The following PLEKHH2 variants were observed in gnomAD, a reference collection of about 807,000 sequenced individuals.
PLEKHH2 encodes the protein pleckstrin homology, MyTH4 and FERM domain containing H2.
In PLEKHH2, 129 loss-of-function variants were observed where a neutral mutation model predicts 187.9. The ratio of observed to expected loss-of-function variants is 0.69; its 90% confidence interval spans 0.59 to 0.79. The LOEUF is 0.79. Among genes scored for constraint, PLEKHH2 ranks in the 30% least tolerant of loss-of-function variants. The pLI, the probability that PLEKHH2 is intolerant of heterozygous loss-of-function variation, is 0.00. For synonymous variants in PLEKHH2, 686 were observed against 605.6 expected (o/e 1.13, Z -1.95); for missense variants, 2,076 against 1,751.2 (o/e 1.19, Z -3.31).
intron 2 of PLEKHH2, among the ~76,000 whole-genome samples, chr2:43,668,139 T>A (rs1667312792): frequency 6.6e-6 from 1 of 152,094 alleles, no homozygotes; most frequent in Non-Finnish European, 1.5e-5. Context: ...TTCAAGTGAT[T>A]CTCCTGCCTC....
chr2:43,741,140 A>G, intron 21 of PLEKHH2, 97 bp downstream of exon 21: 1 of 1,093,194 alleles, frequency 9.1e-7, no homozygotes, highest in South Asian at 2.0e-5. Flanking sequence ...CATTTTCAGA[A>G]GAATGTATGA....
intron 24 of PLEKHH2, among the ~76,000 whole-genome samples, chr2:43,749,816 C>G (rs1367110197): frequency 6.6e-6 from 1 of 152,170 alleles, no homozygotes; most frequent in Non-Finnish European, 1.5e-5. Context: ...GGACCTGATT[C>G]TTCATCTGCC....
At position 43,764,310 on chromosome 2, in the gene PLEKHH2, C is replaced by T. The variant is rs1447811469; in HGVS notation, c.4241C>T (p.Thr1414Ile). 6.2e-7 allele frequency: 1 copy of T among 1,609,706 alleles called. No individual in the cohort carries two copies. The highest frequency in any genetic ancestry group is 8.5e-7 in the Non-Finnish European group (1 of 1,177,290). The change falls in exon 29 of 30, where the codon ACA (threonine) becomes ATA (isoleucine). Residue 1414 changes from threonine to isoleucine, a missense_variant. Physicochemically the swap from Thr to Ile is moderately conservative, Grantham distance 89. Coordinates refer to ENST00000282406, the MANE Select transcript of PLEKHH2 (RefSeq NM_172069.4). Reference protein sequence around the residue: ...QDDFMVVINNTHSKDKPTEKL... With the variant: ...QDDFMVVINNIHSKDKPTEKL... Reference sequence around the variant, plus strand: ...GATTTTATGGTAGTCATTAACAATACACATTCAAAGGACAAACCAACAGAG... The same window carrying T: ...GATTTTATGGTAGTCATTAACAATATACATTCAAAGGACAAACCAACAGAG...
At chr2:43,741,218 A>G (rs767023801) in intron 21 of PLEKHH2, 175 bp downstream of exon 21, 16 of 483,194 alleles carry the variant, frequency 3.3e-5, no homozygotes, top group African/African-American at 6.0e-5. Flanking sequence ...TTCCTTTGTT[A>G]TGTTAAATCT....
chr2:43,748,212 T>G (rs1219084046), intron 24 of PLEKHH2, among the ~76,000 whole-genome samples: 1 of 152,198 alleles, frequency 6.6e-6, no homozygotes, highest in Non-Finnish European at 1.5e-5. Flanking sequence ...CTGTGATGAT[T>G]TGCCAGAGGT....
At position 43,697,158 on chromosome 2, in the gene PLEKHH2, A is replaced by T; in HGVS notation, c.503-13A>T. 1 of 1,540,252 alleles carries T rather than the reference A, an allele frequency of 6.5e-7. No individual in the cohort carries two copies. On this transcript the variant is annotated splice_polypyrimidine_tract_variant and intron_variant, in intron 6 of 29. Coordinates refer to ENST00000282406, the MANE Select transcript of PLEKHH2 (RefSeq NM_172069.4). ...AAAAATTCAAATCTTAATTTTGATT[A>T]ACGATGTTGTAGAAGTTCAAGGAAA...
chr2:43,744,957 A>G (rs1330963624), intron 23 of PLEKHH2, among the ~76,000 whole-genome samples: 1 of 152,142 alleles, frequency 6.6e-6, no homozygotes, highest in Non-Finnish European at 1.5e-5. Context: ...ATTTTAAAAG[A>G]ATCTTTTCCA....
chr2:43,695,045 A>G, intron 5 of PLEKHH2, 98 bp from the exon 6 acceptor site: 1 of 594,802 alleles, frequency 1.7e-6, no homozygotes, highest in Non-Finnish European at 2.6e-6. Flanking sequence ...TTACACATGT[A>G]GAGAAACTAA....
Position 43,767,976 on chromosome 2 carries a change from T to A in PLEKHH2, c.*2378T>A, listed in dbSNP as rs1004262534. On this transcript the variant is annotated 3_prime_UTR_variant, in exon 30 of 30. Coordinates refer to ENST00000282406, the MANE Select transcript of PLEKHH2 (RefSeq NM_172069.4). Reference sequence around the variant, plus strand: ...TTCCCTTTCAGTCATAATAAATGATTTACAAAACCCATTTTGAGCATTATC... The same window carrying A: ...TTCCCTTTCAGTCATAATAAATGATATACAAAACCCATTTTGAGCATTATC... The A allele has an allele frequency of 5.9e-5, 9 of 152,752 alleles. 1 individual carries two copies. Among genetic ancestry groups the A allele is most frequent in the Admixed American group, 5.9e-4 (9 of 15,286 alleles). The allele number at this position is 152,752 out of a possible 1,614,324, so 9.5% of individuals were successfully genotyped here. A position where few individuals can be genotyped will look rare whatever the true frequency, so the allele number is the denominator to read the frequency against.
chr2:43,683,840 C>T (rs979389691), intron 3 of PLEKHH2, among the ~76,000 whole-genome samples: 1 of 151,440 alleles, frequency 6.6e-6, no homozygotes, highest in Non-Finnish European at 1.5e-5. Context: ...TCAATGATTT[C>T]ATCAGGGAGG....
At chr2:43,706,490 C>G in intron 10 of PLEKHH2, 74 bp downstream of exon 10, 1 of 1,087,306 alleles carries the variant, frequency 9.2e-7, no homozygotes, top group Non-Finnish European at 1.4e-6. Context: ...AATTCAAGCT[C>G]CAGATTCCAT....
intron 2 of PLEKHH2, among the ~76,000 whole-genome samples, chr2:43,646,986 T>A: frequency 6.6e-6 from 1 of 152,048 alleles, no homozygotes; most frequent in Non-Finnish European, 1.5e-5. Context: ...GAATAAGGAT[T>A]TTCACAATAT....
intron 16 of PLEKHH2, among the ~76,000 whole-genome samples, chr2:43,724,568 G>GT (rs1189992275): frequency 1.3e-5 from 2 of 152,158 alleles, no homozygotes; most frequent in Non-Finnish European, 2.9e-5. Flanking sequence ...GCTTTAGGAA[G>GT]TTTTTCTTAC....
intron 15 of PLEKHH2, among the ~76,000 whole-genome samples, chr2:43,715,134 G>T (rs960119393): frequency 3.0e-4 from 45 of 152,052 alleles, no homozygotes; most frequent in African/African-American, 1.1e-3. Flanking sequence ...AAATTAACCA[G>T]GCATGCTGGC....
chr2:43,651,253 G>C (rs1162524854), intron 2 of PLEKHH2, among the ~76,000 whole-genome samples: 1 of 151,596 alleles, frequency 6.6e-6, no homozygotes, highest in African/African-American at 2.4e-5. Context: ...ATTTTTAGTA[G>C]AGATAGGGTT....
At chr2:43,731,764 G>A (rs185130137) in intron 19 of PLEKHH2, among the ~76,000 whole-genome samples, 162 bp downstream of exon 19, 2 of 152,202 alleles carry the variant, frequency 1.3e-5, no homozygotes, top group Admixed American at 1.3e-4. Flanking sequence ...AAAATTAGGT[G>A]AATTTCATAT....
At position 43,681,193 on chromosome 2, in the gene PLEKHH2, A is replaced by G. The variant is rs1204679996; in HGVS notation, c.186+2268A>G. The G allele has an allele frequency of 2.4e-5, 16 of 676,216 alleles. No individual in the cohort carries two copies. The East Asian group carries it at 3.8e-4, about 16-fold the overall frequency. 41.9% of individuals were successfully genotyped at this position (676,216 alleles called of 1,614,324 possible). On this transcript the variant is annotated intron_variant, in intron 3 of 29. Coordinates refer to ENST00000282406, the MANE Select transcript of PLEKHH2 (RefSeq NM_172069.4). Reference sequence around the variant, plus strand: ...CCTTTTGGTCCACCACTATTCCTCAAAGAATACAGAAAGCTGTTTCTCCAT... The same window carrying G: ...CCTTTTGGTCCACCACTATTCCTCAGAGAATACAGAAAGCTGTTTCTCCAT...
rs1223992272 is a variant in PLEKHH2 at position 43,707,319 on chromosome 2, G to A, written c.1822-82G>A. On this transcript the variant is annotated intron_variant, in intron 10 of 29. Transcript: ENST00000282406. ...GTTGCTCTGCTTTTCTTTAGGAGGC[G>A]ACCCTAATAACTAGCAGCCTTTTCT... 32 of 1,527,088 alleles carry A rather than the reference G, an allele frequency of 2.1e-5. No individual in the cohort carries two copies. In the Admixed American group the frequency reaches 2.8e-4, roughly 13 times the overall value. 94.6% of individuals were successfully genotyped at this position (1,527,088 alleles called of 1,614,324 possible).
Position 43,704,038 on chromosome 2 carries a change from A to G in PLEKHH2, c.1708A>G (p.Met570Val). 1.9e-6 allele frequency: 3 copies of G among 1,599,654 alleles called. No homozygotes were observed. Among genetic ancestry groups the G allele is most frequent in the Non-Finnish European group, 2.6e-6 (3 of 1,170,060 alleles). The change falls in exon 9 of 30, where the codon ATG becomes GTG. Residue 570 changes from methionine to valine, a missense_variant. By Grantham distance (21) the Met-to-Val change is conservative. Coordinates refer to ENST00000282406, the MANE Select transcript of PLEKHH2 (RefSeq NM_172069.4). ...TATTCGAATGTCTGAGGCCTTCAAT[A>G]TGGAGAGTGTTAATAAAAGTAAGTG... is the stretch of plus-strand genomic sequence containing the variant. ...SGIRMSEAFN[M>V]ESVNKNSAAT...
Sources: gnomAD v4.1 joint callset for allele counts (sites outside exome capture counted in the v4.1 genomes callset) on GRCh38, gnomAD v4.1.1 for gene constraint, MANE v1.5 for transcripts, NCBI Gene and HGNC (gene_info 2026-07-23, HGNC 2026-07-21) for gene names.